PHLPP1: variants seen among roughly 807,000 people sequenced by gnomAD.
The protein encoded by PHLPP1 is PH domain leucine-rich repeat-containing protein phosphatase 1.
A neutral mutation model predicts 117.2 loss-of-function variants in PHLPP1; 42 were observed. The ratio of observed to expected loss-of-function variants is 0.36; its 90% CI spans 0.28 to 0.46. The LOEUF is 0.46. Ranked by LOEUF, PHLPP1 falls within the 20% of genes least tolerant of loss-of-function variation. PHLPP1 has a pLI of 1.00. For synonymous variants in PHLPP1, 1,042 were observed against 970.7 expected, an observed-to-expected ratio of 1.07 and a Z score of -1.37; for missense variants, 2,084 against 2,241.9, an observed-to-expected ratio of 0.93 and a Z score of 1.42.
rs572008962 is a variant in PHLPP1, at chr18:62,755,550, C to T, written c.1576+38291C>T. 2.6e-5 allele frequency among the ~76,000 whole-genome samples: 4 copies of T among 152,164 alleles called. No homozygotes were observed. The East Asian group carries it at 7.7e-4, about 29-fold the overall frequency. On this transcript the variant is annotated intron_variant, in intron 1 of 16. Transcript: ENST00000262719. ...ATAGGATTAGTGCCCTTATAAAAGACGCCTGAGAGAGACTATTCTTCTTCC... is the reference window on the plus strand; with the variant it reads ...ATAGGATTAGTGCCCTTATAAAAGATGCCTGAGAGAGACTATTCTTCTTCC...
Position 62,979,169 on chromosome 18 carries a change from A to T in PHLPP1, c.4892A>T (p.Glu1631Val). The T allele has an allele frequency of 6.2e-7, 1 of 1,613,890 alleles. No individual in the cohort carries two copies. The highest frequency in any genetic ancestry group is 8.5e-7 in the Non-Finnish European group (1 of 1,179,846). Residue 1631 changes from glutamate (E) to valine (V), a missense_variant, in exon 17 of 17, where the codon GAA (glutamate) becomes GTA (valine). By Grantham distance (121) the Glu-to-Val change is moderately radical. Around this residue, in one of 2 missense-constraint regions of PHLPP1, gnomAD observed 1,365 missense variants for 1,605.9 expected, o/e 0.85. Transcript: ENST00000262719. Reference sequence around the variant, plus strand: ...GCCAATGGCTCTGTTGCGCCCCAGGAAAGGAGCCACAATGTGATAGAGGTG... The same window carrying T: ...GCCAATGGCTCTGTTGCGCCCCAGGTAAGGAGCCACAATGTGATAGAGGTG... ...RRANGSVAPQ[E>V]RSHNVIEVAT...
In PHLPP1 at chr18:62,951,040, G is replaced by C. The variant is rs979305945; in HGVS notation, c.3324+5769G>C. Among the ~76,000 whole-genome samples, 4 of 150,820 alleles carry C rather than the reference G, an allele frequency of 2.7e-5. No homozygotes were observed. In the South Asian group the frequency reaches 8.4e-4, roughly 32 times the overall value. Reference sequence around the variant, plus strand: ...TCTGTTGCCCAGGCTGGAGTGCAGTGGCACGATCTTTGTTCACCGCAAGTT... The same window carrying C: ...TCTGTTGCCCAGGCTGGAGTGCAGTCGCACGATCTTTGTTCACCGCAAGTT... On this transcript the variant is annotated intron_variant, in intron 12 of 16. Coordinates refer to ENST00000262719, the MANE Select transcript of PHLPP1 (RefSeq NM_194449.4).
intron 4 of PHLPP1, among the ~76,000 whole-genome samples, chr18:62,883,506 T>C (rs187405793): frequency 1.1e-4 from 16 of 152,352 alleles, no homozygotes; most frequent in Non-Finnish European, 2.9e-5. Context: ...TATGTAATTT[T>C]TGCCCATTAG....
intron 3 of PHLPP1, among the ~76,000 whole-genome samples, chr18:62,853,637 T>A (rs564336566): frequency 6.6e-6 from 1 of 152,376 alleles, no homozygotes; most frequent in East Asian, 1.9e-4. Flanking sequence ...CACAAAGTGC[T>A]GGGATTACAG....
chr18:62,884,332 G>T (rs1175939755), intron 4 of PHLPP1, among the ~76,000 whole-genome samples: 1 of 152,194 alleles, frequency 6.6e-6, no homozygotes. Flanking sequence ...AGGAGGGTAG[G>T]ATTTGAAATG....
At chr18:62,829,015 T>C (rs116163846) in intron 1 of PHLPP1, among the ~76,000 whole-genome samples, 336 of 152,316 alleles carry the variant, frequency 2.2e-3, no homozygotes, top group African/African-American at 7.9e-3. Flanking sequence ...TTGATAAGAC[T>C]TGCCTAACTA....
rs1392009957 is a variant in PHLPP1, at chr18:62,850,294, A to G, written c.1900-10141A>G. On this transcript the variant is annotated intron_variant, in intron 3 of 16. Coordinates refer to ENST00000262719, the MANE Select transcript of PHLPP1 (RefSeq NM_194449.4). Reference sequence around the variant, plus strand: ...TCCCAGCTACTCAGGAGGCTGAGGCAGGAGAATTGCTTGAACTCGGAAGGT... The same window carrying G: ...TCCCAGCTACTCAGGAGGCTGAGGCGGGAGAATTGCTTGAACTCGGAAGGT... 3.5e-5 allele frequency among the ~76,000 whole-genome samples: 5 copies of G among 144,576 alleles called. No homozygotes were observed. The East Asian group carries it at 1.1e-3, about 31-fold the overall frequency. 94.8% of individuals were successfully genotyped at this position (144,576 alleles called of 152,430 possible).
intron 12 of PHLPP1, among the ~76,000 whole-genome samples, chr18:62,947,443 T>G (rs1046020002): frequency 7.2e-5 from 11 of 152,236 alleles, no homozygotes; most frequent in African/African-American, 2.7e-4. Flanking sequence ...AAATGTTTAT[T>G]TGCCGTTCAG....
At chr18:62,754,146 C>G (rs1911941023) in intron 1 of PHLPP1, among the ~76,000 whole-genome samples, 1 of 152,242 alleles carries the variant, frequency 6.6e-6, no homozygotes, top group South Asian at 2.1e-4. Flanking sequence ...GTCTTAGATT[C>G]TGGCCTCTCA....
intron 1 of PHLPP1, among the ~76,000 whole-genome samples, chr18:62,773,308 A>G (rs567436285): frequency 2.6e-5 from 4 of 152,358 alleles, no homozygotes; most frequent in East Asian, 1.9e-4. Flanking sequence ...ACAAGTCTCC[A>G]TAGGTAGAAG....
At chr18:62,974,562 G>A (rs1019428617) in intron 15 of PHLPP1, among the ~76,000 whole-genome samples, 1 of 152,118 alleles carries the variant, frequency 6.6e-6, no homozygotes, top group African/African-American at 2.4e-5. Flanking sequence ...CCATTTGTGG[G>A]GCTTGCCATA....
intron 4 of PHLPP1, among the ~76,000 whole-genome samples, chr18:62,889,107 T>A (rs1180874731): frequency 6.6e-6 from 1 of 152,174 alleles, no homozygotes; most frequent in African/African-American, 2.4e-5. Flanking sequence ...AACAGATGTG[T>A]TTTAATGTTG....
At chr18:62,971,548 C>G (rs115719424) in intron 14 of PHLPP1, among the ~76,000 whole-genome samples, 1 of 152,238 alleles carries the variant, frequency 6.6e-6, no homozygotes, top group African/African-American at 2.4e-5. Context: ...GCCACCTTGT[C>G]CTCCTTCAGC....
chr18:62,904,114 G>A (rs1453783018), intron 7 of PHLPP1, among the ~76,000 whole-genome samples: 1 of 152,186 alleles, frequency 6.6e-6, no homozygotes, highest in Non-Finnish European at 1.5e-5. Flanking sequence ...AGAAAAACAA[G>A]CCAAGCCTCA....
chr18:62,951,973 C>A (rs533065691), intron 12 of PHLPP1, among the ~76,000 whole-genome samples: 1 of 152,094 alleles, frequency 6.6e-6, no homozygotes, highest in East Asian at 2.0e-4. Flanking sequence ...CACCACCTCA[C>A]CCAGCTAATT....
intron 1 of PHLPP1, among the ~76,000 whole-genome samples, chr18:62,772,747 C>G (rs1179565344): frequency 6.8e-6 from 1 of 146,390 alleles, no homozygotes; most frequent in Non-Finnish European, 1.5e-5. Flanking sequence ...ATGAGAATGG[C>G]TTGAACCTGG....
intron 4 of PHLPP1, among the ~76,000 whole-genome samples, chr18:62,888,885 C>T (rs1916348001): frequency 6.6e-6 from 1 of 152,198 alleles, no homozygotes; most frequent in African/African-American, 2.4e-5. Flanking sequence ...TCCATTCACC[C>T]TTTTGATCTC....
intron 1 of PHLPP1, among the ~76,000 whole-genome samples, chr18:62,761,598 G>A (rs575506865): frequency 2.6e-5 from 4 of 150,968 alleles, no homozygotes; most frequent in East Asian, 3.9e-4. Flanking sequence ...GCGCCACTGC[G>A]CTCCAGCCTG....
intron 4 of PHLPP1, among the ~76,000 whole-genome samples, chr18:62,886,215 C>T (rs1298000974): frequency 6.6e-6 from 1 of 152,154 alleles, no homozygotes; most frequent in Non-Finnish European, 1.5e-5. Context: ...TCTTCCCTGT[C>T]CCCACTTTGA....
Sources: allele counts gnomAD v4.1 joint callset (sites outside exome capture counted in the v4.1 genomes callset), GRCh38; gene constraint gnomAD v4.1.1; regional missense constraint gnomAD v4.1.1; transcripts MANE v1.5; gene names NCBI Gene and HGNC (gene_info 2026-07-23, HGNC 2026-07-21).